Variants in TRAF3IP1 observed in about 807,000 individuals in gnomAD.
TRAF3IP1 encodes intraflagellar transport 54.
In TRAF3IP1, 53 loss-of-function variants were observed where a neutral mutation model predicts 89.9. That is an observed-to-expected ratio of 0.59 (90% CI 0.47 to 0.74). TRAF3IP1 has a LOEUF of 0.74. TRAF3IP1 is among the 30% of genes least tolerant of loss of function. The probability of loss-of-function intolerance (pLI) is 0.00; values close to 1 mark genes in which losing one functional copy is unlikely to be tolerated. For missense variants in TRAF3IP1, 806 were observed against 866.1 expected (o/e 0.93, Z 0.87); for synonymous variants, 311 against 322.1 (o/e 0.97, Z 0.37).
chr2:238,344,781 G>C, intron 9 of TRAF3IP1, 183 bp downstream of exon 9: 2 of 692,072 alleles, frequency 2.9e-6, no homozygotes, highest in Non-Finnish European at 5.3e-6. Context: ...GTGGTTTCTT[G>C]ATAGCATGGG....
chr2:238,347,770 G>A (rs899543360), intron 10 of TRAF3IP1, among the ~76,000 whole-genome samples: 7 of 152,010 alleles, frequency 4.6e-5, no homozygotes, highest in Non-Finnish European at 7.4e-5. Flanking sequence ...TGGGATTACA[G>A]GCATGCACCA....
rs373603096 is a variant in TRAF3IP1 at position 238,325,348 on chromosome 2, G to A, written c.166G>A (p.Ala56Thr). ...TTTCATGAAGGGCCTCTACACAGAC[G>A]CCGAGATGAAGTCTGATAATGTGAA... ...TGFMKGLYTD[A>T]EMKSDNVKDK... Residue 56 changes from alanine (A) to threonine (T), a missense_variant, in exon 2 of 17, where the codon GCC becomes ACC. Physicochemically the swap from Ala to Thr is moderately conservative, Grantham distance 58. Transcript: ENST00000373327. 9.3e-6 allele frequency: 15 copies of A among 1,613,960 alleles called. No individual in the cohort carries two copies. Among genetic ancestry groups the A allele is most frequent in the African/African-American group, 4.0e-5 (3 of 74,888 alleles).
At position 238,383,024 on chromosome 2, in the gene TRAF3IP1, C is replaced by A. The variant is rs183900913; in HGVS notation, c.1690-14435C>A. Among the ~76,000 whole-genome samples the A allele has an allele frequency of 2.4e-3, 364 of 152,226 alleles. 3 individuals carry two copies. Among genetic ancestry groups the A allele is most frequent in the African/African-American group, 8.4e-3 (348 of 41,522 alleles). ...ATCCTCACCACTCTCGGGCTCCAGC[C>A]ACCTCCCTGCCTGTCTCTACACACT... On this transcript the variant is annotated intron_variant, in intron 15 of 16. Transcript: ENST00000373327.
At chr2:238,329,463 A>G in intron 5 of TRAF3IP1, 121 bp downstream of exon 5, 6 of 856,634 alleles carry the variant, frequency 7.0e-6, no homozygotes, top group Non-Finnish European at 9.7e-6. Flanking sequence ...CCTATTTAAA[A>G]TGATGACAAT....
intron 7 of TRAF3IP1, among the ~76,000 whole-genome samples, chr2:238,336,022 C>A (rs948700394): frequency 1.3e-5 from 2 of 151,936 alleles, no homozygotes; most frequent in Admixed American, 1.3e-4. Flanking sequence ...GAACTCTTGA[C>A]CTCAAGTGAT....
chr2:238,328,811 A>G lies in TRAF3IP1; in HGVS notation c.480A>G (p.Arg160=), dbSNP rs1244900023. ...AGAATGTGCGAGAAGAAGAGTCCAG[A>G]GTTCACAAAAATACAGAGGTGAATT... ...DNKNVREEES[R]VHKNTEDRGD... is the part of the protein sequence containing the mutation. Residue 160 remains arginine (R), a synonymous_variant, in exon 4 of 17, where the codon AGA becomes AGG. Transcript: ENST00000373327. The G allele has an allele frequency of 2.5e-6, 4 of 1,613,464 alleles. No homozygotes were observed. The highest frequency in any genetic ancestry group is 3.4e-6 in the Non-Finnish European group (4 of 1,179,760).
intron 7 of TRAF3IP1, 150 bp from the exon 8 acceptor site, chr2:238,338,212 A>G (rs1698475838): frequency 2.0e-6 from 1 of 501,220 alleles, no homozygotes. Flanking sequence ...AAGGAGGGGA[A>G]TCATGTGGAG....
At chr2:238,396,448 G>A (rs999868898) in intron 15 of TRAF3IP1, among the ~76,000 whole-genome samples, 1 of 150,962 alleles carries the variant, frequency 6.6e-6, no homozygotes, top group African/African-American at 2.4e-5. Context: ...GTTAATGGGT[G>A]CAGCACACCA....
chr2:238,385,034 G>A (rs1700707178), intron 15 of TRAF3IP1, among the ~76,000 whole-genome samples: 2 of 149,320 alleles, frequency 1.3e-5, no homozygotes, highest in Admixed American at 1.3e-4. Flanking sequence ...ATTTTTTTTT[G>A]AGATGGACTC....
chr2:238,350,904 G>A (rs1236576868), intron 12 of TRAF3IP1, among the ~76,000 whole-genome samples: 1 of 152,106 alleles, frequency 6.6e-6, no homozygotes, highest in Non-Finnish European at 1.5e-5. Flanking sequence ...GGAAGGAGTA[G>A]GAGTATGTGG....
intron 15 of TRAF3IP1, among the ~76,000 whole-genome samples, chr2:238,369,366 T>C (rs1285744146): frequency 1.3e-5 from 2 of 152,238 alleles, no homozygotes; most frequent in Non-Finnish European, 2.9e-5. Flanking sequence ...GTGGAGCGCG[T>C]TCCACTGTCT....
intron 15 of TRAF3IP1, among the ~76,000 whole-genome samples, chr2:238,384,337 GATGTATGTATGTATGTATGT>G (rs61001806): frequency 7.2e-6 from 1 of 139,730 alleles, no homozygotes; most frequent in Admixed American, 7.2e-5. Context: ...GAATCAACCT[GATGTATGTATGTATGTATGT>G]ATGTATGTAT....
At chr2:238,377,656 C>T (rs897109928) in intron 15 of TRAF3IP1, among the ~76,000 whole-genome samples, 2 of 151,972 alleles carry the variant, frequency 1.3e-5, no homozygotes, top group Admixed American at 6.6e-5. Flanking sequence ...GAAATGGACC[C>T]ATAATTTTGT....
chr2:238,383,027 C>T (rs1192239973), intron 15 of TRAF3IP1, among the ~76,000 whole-genome samples: 1 of 152,142 alleles, frequency 6.6e-6, no homozygotes, highest in African/African-American at 2.4e-5. Context: ...CTCCAGCCAC[C>T]TCCCTGCCTG....
intron 10 of TRAF3IP1, 68 bp from the exon 11 acceptor site, chr2:238,348,696 A>G: frequency 7.5e-7 from 1 of 1,327,924 alleles, no homozygotes; most frequent in Non-Finnish European, 1.1e-6. Flanking sequence ...AGATGCAAAT[A>G]GTATTTTCAA....
chr2:238,360,665 C>T (rs1175426464), intron 15 of TRAF3IP1, among the ~76,000 whole-genome samples: 1 of 152,080 alleles, frequency 6.6e-6, no homozygotes, highest in Non-Finnish European at 1.5e-5. Flanking sequence ...AGGCAGATCA[C>T]GAGGTCAGGA....
intron 5 of TRAF3IP1, among the ~76,000 whole-genome samples, chr2:238,331,623 C>T: frequency 6.6e-6 from 1 of 152,160 alleles, no homozygotes; most frequent in East Asian, 1.9e-4. Context: ...TACTTGGCTG[C>T]CGTGAGATTT....
chr2:238,386,103 A>G (rs903860741), intron 15 of TRAF3IP1, among the ~76,000 whole-genome samples: 1 of 152,128 alleles, frequency 6.6e-6, no homozygotes, highest in African/African-American at 2.4e-5. Flanking sequence ...TCAGAAAGAG[A>G]AAGGTTACGT....
At chr2:238,337,201 A>G (rs1416453724) in intron 7 of TRAF3IP1, among the ~76,000 whole-genome samples, 1 of 152,174 alleles carries the variant, frequency 6.6e-6, no homozygotes, top group Non-Finnish European at 1.5e-5. Context: ...ACATATGTGC[A>G]TGTTAGTTTG....
Sources: gnomAD v4.1 joint callset for allele counts (sites outside exome capture counted in the v4.1 genomes callset) on GRCh38, gnomAD v4.1.1 for gene constraint, MANE v1.5 for transcripts, NCBI Gene and HGNC (gene_info 2026-07-23, HGNC 2026-07-21) for gene names.